Variants in UNC13C observed in about 807,000 individuals in gnomAD.
The protein encoded by UNC13C is protein unc-13 homolog C.
A neutral mutation model predicts 245.4 loss-of-function variants in UNC13C; 174 were observed. The ratio of observed to expected loss-of-function variants is 0.71; its 90% CI spans 0.63 to 0.80. The LOEUF (loss-of-function observed/expected upper bound fraction) is 0.80. Among genes scored for constraint, UNC13C ranks in the 30% least tolerant of loss-of-function variants. The pLI, the probability that UNC13C is intolerant of heterozygous loss-of-function variation, is 0.00. For missense variants in UNC13C, 2,829 were observed against 2,602.9 expected, an observed-to-expected ratio of 1.09 and a Z score of -1.89; for synonymous variants, 992 against 895.1, an observed-to-expected ratio of 1.11 and a Z score of -1.93.
chr15:54,611,802 C>T (rs1356431643), intron 30 of UNC13C, among the ~76,000 whole-genome samples: 10 of 151,962 alleles, frequency 6.6e-5, no homozygotes, highest in Admixed American at 6.6e-4. Flanking sequence ...ATAGAAAATA[C>T]AGAGTATAAA....
chr15:53,873,142 T>G, the UNC13C span, among the ~76,000 whole-genome samples: 2 of 90,474 alleles, frequency 2.2e-5, no homozygotes, highest in Non-Finnish European at 4.9e-5. Context: ...GACACGTTTT[T>G]TTTTTTAGTG....
At chr15:54,002,720 A>T (rs1372047399) in intron 1 of UNC13C, among the ~76,000 whole-genome samples, 2 of 152,210 alleles carry the variant, frequency 1.3e-5, no homozygotes, top group African/African-American at 4.8e-5. Context: ...TACTTTCAGA[A>T]ATCTCTTTTA....
At chr15:54,085,564 C>T (rs1269433832) in intron 2 of UNC13C, among the ~76,000 whole-genome samples, 1 of 152,092 alleles carries the variant, frequency 6.6e-6, no homozygotes, top group Non-Finnish European at 1.5e-5. Flanking sequence ...AGAAGATACA[C>T]CAACCTTTGC....
At chr15:54,362,248 C>T (rs2039250126) in intron 17 of UNC13C, among the ~76,000 whole-genome samples, 2 of 152,202 alleles carry the variant, frequency 1.3e-5, no homozygotes, top group African/African-American at 4.8e-5. Context: ...GTTGGCTTCC[C>T]ATGAAGATTA....
intron 4 of UNC13C, among the ~76,000 whole-genome samples, chr15:54,213,205 G>C (rs557661530): frequency 6.6e-6 from 1 of 151,804 alleles, no homozygotes; most frequent in East Asian, 1.9e-4. Flanking sequence ...GAAGCATTAG[G>C]TTATACCCTA....
At chr15:54,552,934 C>CAATATAT (rs1896893709) in intron 28 of UNC13C, among the ~76,000 whole-genome samples, 1 of 64,724 alleles carries the variant, frequency 1.5e-5, no homozygotes, top group Non-Finnish European at 2.7e-5. Context: ...TTCTATATTA[C>CAATATAT]ATTATATAAT....
intron 13 of UNC13C, among the ~76,000 whole-genome samples, chr15:54,314,418 A>AC (rs1246204862): frequency 7.0e-6 from 1 of 143,074 alleles, no homozygotes; most frequent in East Asian, 2.1e-4. Context: ...TAAACATGTA[A>AC]TTTTTATTTG....
intron 19 of UNC13C, among the ~76,000 whole-genome samples, chr15:54,462,346 C>G (rs1891892928): frequency 6.6e-6 from 1 of 152,230 alleles, no homozygotes; most frequent in Admixed American, 6.5e-5. Context: ...TAAGCGTCCA[C>G]TGTGGCCATG....
intron 2 of UNC13C, among the ~76,000 whole-genome samples, chr15:54,094,712 T>C (rs1899758377): frequency 6.6e-6 from 1 of 152,168 alleles, no homozygotes; most frequent in African/African-American, 2.4e-5. Flanking sequence ...CGCTCACTCC[T>C]ATAAAATAAA....
At chr15:54,475,576 C>G (rs908483855) in intron 19 of UNC13C, among the ~76,000 whole-genome samples, 2 of 151,444 alleles carry the variant, frequency 1.3e-5, no homozygotes, top group South Asian at 2.1e-4. Flanking sequence ...TTTGTCCCTG[C>G]AAAAGTTTAC....
chr15:54,617,849 G>T (rs767756367), intron 30 of UNC13C, among the ~76,000 whole-genome samples: 1 of 152,046 alleles, frequency 6.6e-6, no homozygotes. Context: ...TGGGGCAGAT[G>T]AGCTTGATAT....
At chr15:54,016,711 A>G (rs926452254) in intron 2 of UNC13C, among the ~76,000 whole-genome samples, 1 of 152,154 alleles carries the variant, frequency 6.6e-6, no homozygotes, top group Non-Finnish European at 1.5e-5. Flanking sequence ...CTATTTCTCA[A>G]CCCAACTTCC....
the UNC13C span, among the ~76,000 whole-genome samples, chr15:53,918,867 T>C: frequency 2.0e-5 from 3 of 152,336 alleles, no homozygotes; most frequent in East Asian, 5.8e-4. Context: ...TGCACAGAGC[T>C]TCAAAGTACT....
intron 30 of UNC13C, among the ~76,000 whole-genome samples, chr15:54,588,482 A>G (rs1185883193): frequency 1.3e-5 from 2 of 152,200 alleles, no homozygotes; most frequent in Non-Finnish European, 2.9e-5. Context: ...TGCCTAGTGC[A>G]TAACAAATAC....
chr15:54,443,037 T>C (rs1890616213), intron 19 of UNC13C, among the ~76,000 whole-genome samples: 1 of 152,138 alleles, frequency 6.6e-6, no homozygotes. Context: ...AGTGAAGTCA[T>C]CTGGTTATGG....
intron 1 of UNC13C, among the ~76,000 whole-genome samples, chr15:53,989,286 T>C (rs1438948433): frequency 6.6e-6 from 1 of 151,444 alleles, no homozygotes; most frequent in African/African-American, 2.4e-5. Context: ...ATTACAGTCC[T>C]GGAAAGCTGT....
intron 2 of UNC13C, among the ~76,000 whole-genome samples, chr15:54,075,400 G>C (rs1396918566): frequency 6.6e-6 from 1 of 151,636 alleles, no homozygotes; most frequent in African/African-American, 2.4e-5. Context: ...CAGGAGAATG[G>C]CGTGAACCTG....
At chr15:54,510,504 TG>T (rs1032341140) in intron 23 of UNC13C, among the ~76,000 whole-genome samples, 3 of 142,704 alleles carry the variant, frequency 2.1e-5, no homozygotes, top group African/African-American at 9.3e-5. Context: ...ACAGAATCTT[TG>T]GGGGATACAT....
At chr15:54,286,497 T>C (rs895596460) in intron 10 of UNC13C, among the ~76,000 whole-genome samples, 4 of 152,288 alleles carry the variant, frequency 2.6e-5, no homozygotes, top group Admixed American at 1.3e-4. Flanking sequence ...TTTGTTTTTT[T>C]CCATTGAAGT....
Sources: allele counts gnomAD v4.1 joint callset (sites outside exome capture counted in the v4.1 genomes callset), GRCh38; gene constraint gnomAD v4.1.1; transcripts MANE v1.5; gene names NCBI Gene and HGNC (gene_info 2026-07-23, HGNC 2026-07-21).